Variants in LRP1B observed in about 807,000 individuals in gnomAD.
LRP1B encodes the protein LDL receptor related protein 1B.
Under a neutral mutation model 556.6 loss-of-function variants are expected in LRP1B, and 217 were observed. The ratio of observed to expected loss-of-function variants is 0.39; its 90% CI spans 0.35 to 0.44. The LOEUF (loss-of-function observed/expected upper bound fraction) is 0.44, where lower values mean the gene tolerates loss of function less well. Ranked by LOEUF, LRP1B falls within the 20% of genes least tolerant of loss-of-function variation. LRP1B has a pLI of 1.00. For missense variants in LRP1B, 5,053 were observed against 5,620.8 expected, an observed-to-expected ratio of 0.90 and a Z score of 3.23; for synonymous variants, 2,047 against 1,865.8, an observed-to-expected ratio of 1.10 and a Z score of -2.50.
At chr2:140,336,875 A>T (rs1401161126) in intron 77 of LRP1B, among the ~76,000 whole-genome samples, 2 of 151,896 alleles carry the variant, frequency 1.3e-5, no homozygotes, top group Non-Finnish European at 2.9e-5. Context: ...TTTATTGTGC[A>T]TAACCAAAAG....
At chr2:140,372,968 A>G (rs2105170850) in intron 69 of LRP1B, 40 bp downstream of exon 69, 1 of 1,605,248 alleles carries the variant, frequency 6.2e-7, no homozygotes, top group East Asian at 2.2e-5. Flanking sequence ...CTATCAAGGT[A>G]AAATGTTAAC....
At position 140,325,794 on chromosome 2, in the gene LRP1B, G is replaced by C. The variant is rs1197924776; in HGVS notation, c.12308C>G (p.Ser4103Cys). Residue 4103 changes from serine to cysteine, a missense_variant, in exon 80 of 91, where the codon TCT becomes TGT. Ser to Cys is a moderately radical substitution (Grantham distance 112). Coordinates refer to ENST00000389484, the MANE Select transcript of LRP1B (RefSeq NM_018557.3). ...SIIGSVLYDG[S>C]NSVVSVSSKQ... ...GCTGCTGACAGAGACTACTGAATTA[G>C]AGCCATCATACAGAACACTGCCAAT... 1 of 1,612,554 alleles carries C rather than the reference G, an allele frequency of 6.2e-7. No individual in the cohort carries two copies. Among genetic ancestry groups the C allele is most frequent in the Non-Finnish European group, 8.5e-7 (1 of 1,179,188 alleles).
chr2:141,480,448 G>A lies in LRP1B; in HGVS notation c.291C>T (p.Cys97=), dbSNP rs758226579. 56 of 1,613,846 alleles carry A rather than the reference G, an allele frequency of 3.5e-5. No homozygotes were observed. The highest frequency in any genetic ancestry group is 4.3e-5 in the Non-Finnish European group (51 of 1,179,918). ...CATCTGGGCAGTCCAAGACACCATT[G>A]CACAGCTGGGATAAATGAACACATT... is the stretch of plus-strand genomic sequence containing the variant. ...TNKCVHLSQL[C]NGVLDCPDGY... The change falls in exon 3 of 91, where the codon TGC becomes TGT. Residue 97 remains cysteine, a synonymous_variant. Coordinates refer to ENST00000389484, the MANE Select transcript of LRP1B (RefSeq NM_018557.3).
At chr2:141,465,792 C>T (rs1406748485) in intron 3 of LRP1B, among the ~76,000 whole-genome samples, 5 of 152,120 alleles carry the variant, frequency 3.3e-5, no homozygotes, top group African/African-American at 7.2e-5. Flanking sequence ...GCCATCTGCT[C>T]GCCTCAGCCT....
intron 1 of LRP1B, among the ~76,000 whole-genome samples, chr2:142,061,796 C>T (rs538740470): frequency 3.3e-5 from 5 of 151,998 alleles, no homozygotes; most frequent in South Asian, 2.1e-4. Context: ...CATTTCATTT[C>T]GTCTGATATT....
At chr2:140,293,559 T>C (rs1471407814) in intron 84 of LRP1B, among the ~76,000 whole-genome samples, 2 of 152,324 alleles carry the variant, frequency 1.3e-5, no homozygotes, top group East Asian at 3.9e-4. Context: ...CTCCCACTAA[T>C]GGACCTTTAA....
At chr2:141,637,450 G>T (rs906210745) in intron 2 of LRP1B, among the ~76,000 whole-genome samples, 1 of 152,174 alleles carries the variant, frequency 6.6e-6, no homozygotes, top group Non-Finnish European at 1.5e-5. Flanking sequence ...GGCCAGCAAA[G>T]GGTCTAGTTC....
intron 35 of LRP1B, among the ~76,000 whole-genome samples, chr2:140,732,872 A>G (rs1257666538): frequency 2.6e-5 from 4 of 152,160 alleles, no homozygotes; most frequent in Non-Finnish European, 1.5e-5. Context: ...CCAATAACAT[A>G]TTTTTAGAAA....
In LRP1B at chr2:140,353,005, T is replaced by C. The variant is rs754180784; in HGVS notation, c.11598A>G (p.Lys3866=). The change falls in exon 76 of 91, where the codon AAA becomes AAG. Residue 3866 remains lysine, a synonymous_variant. Transcript: ENST00000389484. The part of the protein sequence containing the change: ...HQCINVEGSY[K]CVCDQNFQER... ...CTTGAAAATTCTGGTCACACACACA[T>C]TTATATGATCCTTCCACATTTATAC... 1.4e-5 allele frequency: 23 copies of C among 1,612,778 alleles called. No homozygotes were observed. The highest frequency in any genetic ancestry group is 2.0e-5 in the Non-Finnish European group (23 of 1,179,290).
intron 41 of LRP1B, among the ~76,000 whole-genome samples, chr2:140,629,257 G>A (rs975008088): frequency 6.8e-6 from 1 of 147,794 alleles, no homozygotes; most frequent in Non-Finnish European, 1.5e-5. Flanking sequence ...TGGTAAACAT[G>A]GGGTTTCACC....
At chr2:140,277,929 A>C (rs1682749627) in intron 84 of LRP1B, among the ~76,000 whole-genome samples, 1 of 151,968 alleles carries the variant, frequency 6.6e-6, no homozygotes. Flanking sequence ...ACATACACAT[A>C]ATATGCACAG....
chr2:140,335,999 G>A (rs1681071832), intron 77 of LRP1B, among the ~76,000 whole-genome samples, 161 bp from the exon 78 acceptor site: 1 of 151,962 alleles, frequency 6.6e-6, no homozygotes, highest in Admixed American at 6.6e-5. Context: ...TTCAATCTTT[G>A]CAGATGTATT....
At chr2:142,095,034 C>T (rs779552464) in intron 1 of LRP1B, among the ~76,000 whole-genome samples, 7 of 151,508 alleles carry the variant, frequency 4.6e-5, no homozygotes, top group Non-Finnish European at 8.9e-5. Flanking sequence ...ACTTTAGGTA[C>T]TGTGGTTAGT....
At chr2:142,061,277 T>C (rs1279925044) in intron 1 of LRP1B, among the ~76,000 whole-genome samples, 1 of 151,980 alleles carries the variant, frequency 6.6e-6, no homozygotes, top group Non-Finnish European at 1.5e-5. Context: ...TATTTAGTTT[T>C]TGGAATGAAA....
chr2:142,110,474 T>C (rs913342119), intron 1 of LRP1B, among the ~76,000 whole-genome samples: 1 of 152,116 alleles, frequency 6.6e-6, no homozygotes, highest in Non-Finnish European at 1.5e-5. Context: ...AGAGCAGTCA[T>C]GATTTGAGGG....
chr2:141,659,594 G>C (rs1346293017), intron 2 of LRP1B, among the ~76,000 whole-genome samples: 1 of 152,046 alleles, frequency 6.6e-6, no homozygotes. Flanking sequence ...GCAGGTTTTG[G>C]GTGGGTCTGG....
chr2:140,358,870 G>A lies in LRP1B; in HGVS notation c.11208C>T (p.Cys3736=), dbSNP rs747809397. 3.1e-6 allele frequency: 5 copies of A among 1,609,036 alleles called. No homozygotes were observed. The highest frequency in any genetic ancestry group is 1.7e-5 in the Admixed American group (1 of 59,792). The part of the protein sequence containing the change: ...NRICLQSEQM[C]NGIDECGDNS... The stretch of plus-strand genomic sequence containing the variant: ...TGTCACCGCATTCATCAATCCCATT[G>A]CACATTTGCTCCGACTGTAGGCATA... The change falls in exon 73 of 91, where the codon TGC becomes TGT. Residue 3736 remains cysteine, a synonymous_variant. Transcript: ENST00000389484.
At chr2:141,575,407 T>G (rs1373476035) in intron 2 of LRP1B, among the ~76,000 whole-genome samples, 2 of 152,176 alleles carry the variant, frequency 1.3e-5, no homozygotes, top group Non-Finnish European at 2.9e-5. Context: ...CGGCAAGCCA[T>G]ATGCAGAAAA....
intron 47 of LRP1B, among the ~76,000 whole-genome samples, chr2:140,532,977 GCTGT>G (rs1475436480): frequency 2.0e-5 from 1 of 50,080 alleles, no homozygotes; most frequent in East Asian, 9.5e-4. Context: ...TGTTTACATG[GCTGT>G]CTTAGAGTTA....
Sources: allele counts gnomAD v4.1 joint callset (sites outside exome capture counted in the v4.1 genomes callset), GRCh38; gene constraint gnomAD v4.1.1; transcripts MANE v1.5; gene names NCBI Gene and HGNC (gene_info 2026-07-23, HGNC 2026-07-21).